The following SH3KBP1 variants were observed in gnomAD, a reference collection of about 807,000 sequenced individuals.
SH3KBP1 encodes the protein SH3 domain containing kinase binding protein 1.
Under a neutral mutation model 50.1 loss-of-function variants are expected in SH3KBP1, and 8 were observed. The observed-to-expected ratio is 0.16, with a 90% CI of 0.09 to 0.29. The LOEUF is 0.29. SH3KBP1 is among the 10% of genes least tolerant of loss of function. The pLI, the probability that SH3KBP1 is intolerant of heterozygous loss-of-function variation, is 1.00. For missense variants in SH3KBP1, 377 were observed against 535.2 expected, an observed-to-expected ratio of 0.70 and a Z score of 2.92; for synonymous variants, 227 against 218.6, an observed-to-expected ratio of 1.04 and a Z score of -0.34.
intron 5 of SH3KBP1, among the ~76,000 whole-genome samples, chrX:19,685,714 T>C (rs1055240489): frequency 1.8e-5 from 2 of 111,805 alleles, no homozygotes; most frequent in Non-Finnish European, 3.8e-5. Flanking sequence ...CCCCTTAACA[T>C]GTTCTCATTT....
In SH3KBP1 at chrX:19,862,662, C is replaced by CAA. The variant is rs111471978; in HGVS notation, c.4+24643_4+24644dup. On this transcript the variant is annotated intron_variant, in intron 1 of 17. Coordinates refer to ENST00000397821, the MANE Select transcript of SH3KBP1 (RefSeq NM_031892.3). ...AAGTTAGTGTGAGTTTATTTTGGTG[C>CAA]AAAAAAAAAAAAATTTAAATCCATG... Among the ~76,000 whole-genome samples the CAA allele has an allele frequency of 1.7e-3, 168 of 100,453 alleles. 1 individual carries two copies. Among genetic ancestry groups the CAA allele is most frequent in the African/African-American group, 5.2e-3 (146 of 27,880 alleles). 87.2% of individuals were successfully genotyped at this position (100,453 alleles called of 115,157 possible).
At chrX:19,552,975 G>T (rs144639656) in intron 13 of SH3KBP1, among the ~76,000 whole-genome samples, 1 of 111,113 alleles carries the variant, frequency 9.0e-6, no homozygotes, top group East Asian at 2.8e-4. Flanking sequence ...TCTAACAGTG[G>T]GTCCTCCCAT....
intron 7 of SH3KBP1, among the ~76,000 whole-genome samples, chrX:19,636,888 T>C (rs60803493): frequency 0.025 from 2,820 of 112,345 alleles, 83 homozygotes; most frequent in African/African-American, 0.086. Context: ...CTTTCAGAGC[T>C]TTAAGCAGCA....
chrX:19,877,546 A>G (rs1227300002), intron 1 of SH3KBP1, among the ~76,000 whole-genome samples: 1 of 111,759 alleles, frequency 8.9e-6, no homozygotes. Flanking sequence ...TCACATGGGG[A>G]GGTAACATGT....
At chrX:19,774,657 AGAAAGAAAGAAAGAAAGAAAGAAAG>A (rs1569466396) in intron 2 of SH3KBP1, among the ~76,000 whole-genome samples, 3 of 55,052 alleles carry the variant, frequency 5.4e-5, no homozygotes, top group Admixed American at 1.8e-4. Context: ...TCAAAAAAAA[AGAAAGAAAGAAAGAAAGAAAGAAAG>A]AAAGAAAGAA....
intron 8 of SH3KBP1, among the ~76,000 whole-genome samples, chrX:19,617,366 T>C (rs952900318): frequency 8.9e-6 from 1 of 112,421 alleles, no homozygotes; most frequent in Admixed American, 9.4e-5. Context: ...CCCCAAGTTA[T>C]ATATTCCCTC....
intron 13 of SH3KBP1, among the ~76,000 whole-genome samples, chrX:19,555,909 C>T (rs780056435): frequency 3.2e-4 from 36 of 111,756 alleles, no homozygotes; most frequent in Middle Eastern, 4.2e-3. Flanking sequence ...CACCCATCAT[C>T]GTGATCTCGG....
At chrX:19,736,906 C>CTT (rs147253839) in intron 3 of SH3KBP1, among the ~76,000 whole-genome samples, 10 of 96,400 alleles carry the variant, frequency 1.0e-4, no homozygotes, top group Admixed American at 4.5e-4. Flanking sequence ...CCTCTAATTA[C>CTT]TTTTTTTTTT....
intron 2 of SH3KBP1, among the ~76,000 whole-genome samples, chrX:19,750,546 A>G (rs1378619646): frequency 1.8e-5 from 2 of 112,381 alleles, no homozygotes; most frequent in Non-Finnish European, 3.8e-5. Context: ...CAAATTGAAC[A>G]GCAAACCACA....
chrX:19,589,128 C>T (rs977059450), intron 11 of SH3KBP1, among the ~76,000 whole-genome samples: 3 of 112,694 alleles, frequency 2.7e-5, no homozygotes, highest in African/African-American at 9.7e-5. Context: ...CCCAACAGCT[C>T]AAAGGCAGAC....
chrX:19,619,650 C>T (rs775504250), intron 8 of SH3KBP1, among the ~76,000 whole-genome samples: 47 of 110,897 alleles, frequency 4.2e-4, no homozygotes, highest in Middle Eastern at 4.6e-3. Context: ...GGTGTGGTGG[C>T]GCATGCCTAT....
chrX:19,842,321 T>C (rs1294666149), intron 1 of SH3KBP1, among the ~76,000 whole-genome samples: 1 of 110,693 alleles, frequency 9.0e-6, no homozygotes, highest in Non-Finnish European at 1.9e-5. Context: ...AGGTCAGGAG[T>C]TCAAGACCAG....
intron 2 of SH3KBP1, among the ~76,000 whole-genome samples, chrX:19,798,631 T>A (rs955650400): frequency 4.5e-5 from 5 of 111,832 alleles, no homozygotes; most frequent in Non-Finnish European, 9.4e-5. Flanking sequence ...GCGGGTCACC[T>A]GGCCATGACT....
chrX:19,632,800 T>C (rs1215407242), intron 7 of SH3KBP1, among the ~76,000 whole-genome samples: 1 of 112,634 alleles, frequency 8.9e-6, no homozygotes, highest in Non-Finnish European at 1.9e-5. Context: ...AAATGGAGAC[T>C]TGGAAAACTA....
chrX:19,693,935 T>C (rs745572578), intron 5 of SH3KBP1, among the ~76,000 whole-genome samples: 2 of 112,206 alleles, frequency 1.8e-5, no homozygotes, highest in East Asian at 5.6e-4. Flanking sequence ...TCTGCATCAG[T>C]AGAGGAACTC....
intron 14 of SH3KBP1, among the ~76,000 whole-genome samples, chrX:19,547,155 G>A (rs1030465745): frequency 2.0e-5 from 2 of 99,620 alleles, no homozygotes; most frequent in African/African-American, 7.4e-5. Flanking sequence ...ACCCTGTCTG[G>A]AAAAAAAAAA....
At chrX:19,655,237 CTCATTCATTCAT>C (rs370633523) in intron 6 of SH3KBP1, among the ~76,000 whole-genome samples, 63 of 111,667 alleles carry the variant, frequency 5.6e-4, no homozygotes, top group African/African-American at 1.9e-3. Context: ...TCATTCATTC[CTCATTCATTCAT>C]TCATTCATTC....
chrX:19,563,828 G>A (rs962429960), intron 13 of SH3KBP1, among the ~76,000 whole-genome samples: 1 of 111,625 alleles, frequency 9.0e-6, no homozygotes, highest in Non-Finnish European at 1.9e-5. Flanking sequence ...TTGCCAGTAA[G>A]GAGACAGTGT....
intron 6 of SH3KBP1, among the ~76,000 whole-genome samples, chrX:19,682,295 G>C (rs941252423): frequency 7.4e-4 from 77 of 103,376 alleles, no homozygotes; most frequent in Non-Finnish European, 1.4e-3. Context: ...TTTATTATTG[G>C]CAGCTAAAAC....
Sources: allele counts gnomAD v4.1 joint callset (sites outside exome capture counted in the v4.1 genomes callset), GRCh38; gene constraint gnomAD v4.1.1; transcripts MANE v1.5; gene names NCBI Gene and HGNC (gene_info 2026-07-23, HGNC 2026-07-21).